The following RBMS3 variants were observed in gnomAD, a reference collection of about 807,000 sequenced individuals.
The protein encoded by RBMS3 is RNA-binding motif, single-stranded-interacting protein 3.
In RBMS3, 27 loss-of-function variants were observed where a neutral mutation model predicts 66.8. The observed-to-expected ratio is 0.40, with a 90% CI of 0.30 to 0.56. The LOEUF (loss-of-function observed/expected upper bound fraction) is 0.56, where lower values mean the gene tolerates loss of function less well. Ranked by LOEUF, RBMS3 falls within the 20% of genes least tolerant of loss-of-function variation. The probability of loss-of-function intolerance (pLI) is 0.40; values close to 1 mark genes in which losing one functional copy is unlikely to be tolerated. For missense variants in RBMS3, 513 were observed against 549.5 expected, an observed-to-expected ratio of 0.93 and a Z score of 0.66; for synonymous variants, 188 against 183.0, an observed-to-expected ratio of 1.03 and a Z score of -0.22.
intron 1 of RBMS3, among the ~76,000 whole-genome samples, chr3:29,320,591 C>A (rs1439290047): frequency 6.6e-6 from 1 of 151,848 alleles, no homozygotes; most frequent in Non-Finnish European, 1.5e-5. Flanking sequence ...TATTCACTTA[C>A]AGAGGAATAT....
At chr3:29,547,575 A>T (rs1198327653) in intron 3 of RBMS3, among the ~76,000 whole-genome samples, 3 of 151,940 alleles carry the variant, frequency 2.0e-5, no homozygotes, top group Admixed American at 6.6e-5. Context: ...TTTATATTTA[A>T]TTTTTTCATA....
At chr3:29,877,750 C>T (rs1319311009) in intron 7 of RBMS3, among the ~76,000 whole-genome samples, 2 of 152,208 alleles carry the variant, frequency 1.3e-5, no homozygotes, top group African/African-American at 2.4e-5. Context: ...CGGAGTTGTT[C>T]CCCGGTAAAA....
chr3:29,983,042 A>G (rs1033328698), intron 12 of RBMS3, among the ~76,000 whole-genome samples: 3 of 152,108 alleles, frequency 2.0e-5, no homozygotes, highest in Non-Finnish European at 4.4e-5. Context: ...GTGGGAGTCT[A>G]AGTCTCTTTG....
At chr3:29,788,968 A>G (rs2056916571) in intron 6 of RBMS3, among the ~76,000 whole-genome samples, 2 of 152,154 alleles carry the variant, frequency 1.3e-5, no homozygotes, top group South Asian at 4.1e-4. Flanking sequence ...CTTAATAATA[A>G]TAAGAGAAAT....
chr3:29,559,898 A>G (rs900658622), intron 3 of RBMS3, among the ~76,000 whole-genome samples: 1 of 152,178 alleles, frequency 6.6e-6, no homozygotes, highest in African/African-American at 2.4e-5. Context: ...TCTCATTTCC[A>G]AAGTACTCAA....
intron 1 of RBMS3, among the ~76,000 whole-genome samples, chr3:29,301,974 C>T (rs9654034): frequency 0.22 from 32,701 of 151,806 alleles, 3,682 homozygotes; most frequent in South Asian, 0.33. Context: ...CACACAAAGA[C>T]ATATCCATCT....
intron 12 of RBMS3, among the ~76,000 whole-genome samples, chr3:29,945,119 C>T (rs1695214052): frequency 6.6e-6 from 1 of 151,532 alleles, no homozygotes; most frequent in African/African-American, 2.4e-5. Context: ...TTCTTTGATT[C>T]TTTGACATGT....
At chr3:29,679,572 A>C (rs916003755) in intron 4 of RBMS3, among the ~76,000 whole-genome samples, 8 of 152,144 alleles carry the variant, frequency 5.3e-5, no homozygotes, top group Non-Finnish European at 1.0e-4. Context: ...GAAATTAAAA[A>C]GTATGGAATC....
chr3:29,660,721 G>A (rs1215463027), intron 4 of RBMS3, among the ~76,000 whole-genome samples: 1 of 152,066 alleles, frequency 6.6e-6, no homozygotes, highest in Non-Finnish European at 1.5e-5. Flanking sequence ...GATCTTTTCT[G>A]CACTTGCACC....
At chr3:29,985,844 T>G (rs1698350260) in intron 12 of RBMS3, among the ~76,000 whole-genome samples, 1 of 152,142 alleles carries the variant, frequency 6.6e-6, no homozygotes, top group Admixed American at 6.5e-5. Context: ...ACCTAGGAAC[T>G]CCAGTTTGGC....
chr3:29,451,049 A>G (rs1315601694), intron 2 of RBMS3, among the ~76,000 whole-genome samples: 1 of 152,078 alleles, frequency 6.6e-6, no homozygotes, highest in African/African-American at 2.4e-5. Context: ...ATTTAGTTCA[A>G]TGCTTACCAC....
At chr3:29,883,752 A>T (rs2149578497) in intron 7 of RBMS3, among the ~76,000 whole-genome samples, 1 of 152,096 alleles carries the variant, frequency 6.6e-6, no homozygotes, top group South Asian at 2.1e-4. Context: ...TTTCTTCTTT[A>T]AGATTGAATG....
intron 13 of RBMS3, 52 bp from the exon 14 acceptor site, chr3:29,991,030 G>C (rs747899277): frequency 1.3e-6 from 2 of 1,565,620 alleles, no homozygotes; most frequent in Non-Finnish European, 1.8e-6. Context: ...TATCTAGAGA[G>C]GGCCCTTCAC....
intron 10 of RBMS3, among the ~76,000 whole-genome samples, chr3:29,915,059 T>C (rs1231249481): frequency 2.0e-5 from 3 of 151,760 alleles, no homozygotes; most frequent in African/African-American, 7.3e-5. Flanking sequence ...TTTAGATATA[T>C]CTGTCTCATT....
intron 6 of RBMS3, among the ~76,000 whole-genome samples, chr3:29,782,505 C>T (rs142682161): frequency 1.3e-5 from 2 of 152,184 alleles, no homozygotes; most frequent in Non-Finnish European, 2.9e-5. Context: ...AAGGGAGCAT[C>T]CCGTGGGACA....
chr3:29,765,981 C>CGGGAAA (rs1559648669), intron 6 of RBMS3: 1 of 152,020 alleles, frequency 6.6e-6, no homozygotes, highest in African/African-American at 2.4e-5. Flanking sequence ...AAGAACAGCA[C>CGGGAAA]CGGAAAGACC....
intron 6 of RBMS3, among the ~76,000 whole-genome samples, chr3:29,828,828 A>G (rs1346965400): frequency 1.3e-5 from 2 of 152,114 alleles, no homozygotes; most frequent in Non-Finnish European, 2.9e-5. Context: ...GAATGGAAAT[A>G]TTTGCATTCC....
intron 6 of RBMS3, among the ~76,000 whole-genome samples, chr3:29,782,519 G>A (rs1052418432): frequency 4.6e-5 from 7 of 152,174 alleles, no homozygotes; most frequent in Non-Finnish European, 1.0e-4. Context: ...TGGGACAAAA[G>A]AATCTGAACA....
chr3:29,647,171 G>C (rs558250006), intron 4 of RBMS3, among the ~76,000 whole-genome samples: 105 of 152,246 alleles, frequency 6.9e-4, no homozygotes, highest in Non-Finnish European at 1.2e-3. Context: ...TAGAGATGGG[G>C]TTTCACCAAG....
Sources: gnomAD v4.1 joint callset for allele counts (sites outside exome capture counted in the v4.1 genomes callset) on GRCh38, gnomAD v4.1.1 for gene constraint, MANE v1.5 for transcripts, NCBI Gene and HGNC (gene_info 2026-07-23, HGNC 2026-07-21) for gene names.